Variants in PDS5B observed in about 807,000 individuals in gnomAD.
PDS5B encodes the protein sister chromatid cohesion protein PDS5 homolog B.
PDS5B carries 51 observed loss-of-function variants against 184.1 expected under a neutral mutation model. The ratio of observed to expected loss-of-function variants is 0.28; its 90% CI spans 0.22 to 0.35. The LOEUF is 0.35. PDS5B is among the 10% of genes least tolerant of loss of function. The probability of loss-of-function intolerance (pLI) is 1.00; values close to 1 mark genes in which losing one functional copy is unlikely to be tolerated. For missense variants in PDS5B, 1,180 were observed against 1,723.3 expected (o/e 0.68, Z 5.58); for synonymous variants, 566 against 569.2 (o/e 0.99, Z 0.08).
rs7994229 is a variant in PDS5B, at chr13:32,586,568, C to A, written c.-45C>A. Reference sequence around the variant, plus strand: ...GGATCCCGGAGAGCCCCGGAGTGAGCGGAGTAGCGAGTCGGCAACCCGGAG... The same window carrying A: ...GGATCCCGGAGAGCCCCGGAGTGAGAGGAGTAGCGAGTCGGCAACCCGGAG... On this transcript the variant is annotated 5_prime_UTR_variant, in exon 1 of 35. Coordinates refer to ENST00000315596, the MANE Select transcript of PDS5B (RefSeq NM_015032.4). The A allele has an allele frequency of 0.4, 59,714 of 151,000 alleles. 12,258 individuals carry two copies. Among genetic ancestry groups the A allele is most frequent in the African/African-American group, 0.49 (20,008 of 40,894 alleles). 9.4% of individuals were successfully genotyped at this position (151,000 alleles called of 1,614,324 possible). A position where few individuals can be genotyped will look rare whatever the true frequency, so the allele number is the denominator to read the frequency against.
chr13:32,758,444 G>T, intron 27 of PDS5B, 90 bp from the exon 28 acceptor site: 1 of 1,296,860 alleles, frequency 7.7e-7, no homozygotes, highest in South Asian at 1.4e-5. Context: ...TTGCTATTCA[G>T]ACTGGATTCA....
intron 9 of PDS5B, among the ~76,000 whole-genome samples, chr13:32,676,671 C>T (rs1951071963): frequency 6.6e-6 from 1 of 152,144 alleles, no homozygotes; most frequent in South Asian, 2.1e-4. Context: ...GTGGCTCATG[C>T]CTGTAATCCT....
intron 6 of PDS5B, among the ~76,000 whole-genome samples, chr13:32,666,640 A>C (rs1439677742): frequency 6.6e-6 from 1 of 152,158 alleles, no homozygotes; most frequent in East Asian, 1.9e-4. Context: ...CTTTGACACC[A>C]TAAATATTGT....
At chr13:32,668,320 TC>T (rs1950853168) in intron 7 of PDS5B, among the ~76,000 whole-genome samples, 1 of 152,194 alleles carries the variant, frequency 6.6e-6, no homozygotes, top group Non-Finnish European at 1.5e-5. Context: ...CTATTGCTAT[TC>T]CTGGGGTAGA....
chr13:32,660,279 T>C (rs979325169), intron 6 of PDS5B, among the ~76,000 whole-genome samples: 1 of 152,202 alleles, frequency 6.6e-6, no homozygotes, highest in African/African-American at 2.4e-5. Context: ...TCCTTCACCT[T>C]GGTGCCCACA....
chr13:32,627,469 G>A (rs1481034734), intron 1 of PDS5B, among the ~76,000 whole-genome samples: 1 of 151,598 alleles, frequency 6.6e-6, no homozygotes, highest in Admixed American at 6.6e-5. Context: ...TCATTTCCTG[G>A]GTTTTTTTTA....
intron 23 of PDS5B, 60 bp from the exon 24 acceptor site, chr13:32,745,917 C>T: frequency 7.4e-7 from 1 of 1,355,698 alleles, no homozygotes; most frequent in Non-Finnish European, 1.0e-6. Flanking sequence ...ATTAGATGTA[C>T]AGAAGATTTT....
intron 19 of PDS5B, among the ~76,000 whole-genome samples, chr13:32,721,356 C>G (rs896159208): frequency 8.6e-5 from 13 of 151,866 alleles, no homozygotes; most frequent in Middle Eastern, 6.8e-3. Flanking sequence ...GGGCTCCCCC[C>G]ACCTCCCAGA....
intron 1 of PDS5B, among the ~76,000 whole-genome samples, chr13:32,614,685 A>G (rs560601149): frequency 6.6e-6 from 1 of 152,340 alleles, no homozygotes; most frequent in East Asian, 1.9e-4. Context: ...GGCAAAGTAG[A>G]TATTACTTAT....
intron 1 of PDS5B, among the ~76,000 whole-genome samples, chr13:32,605,518 C>T (rs541715238): frequency 2.6e-5 from 4 of 152,118 alleles, no homozygotes; most frequent in East Asian, 1.9e-4. Flanking sequence ...GGAATAAGTG[C>T]GATGTGGTGC....
At chr13:32,639,142 C>T (rs181686992) in intron 1 of PDS5B, among the ~76,000 whole-genome samples, 29 of 140,578 alleles carry the variant, frequency 2.1e-4, no homozygotes, top group African/African-American at 6.9e-4. Context: ...ACAAGAATTA[C>T]TTTAAAGAGA....
Position 32,678,911 on chromosome 13 carries a change from T to G in PDS5B, c.1039T>G (p.Leu347Val). The change falls in exon 10 of 35, where the codon TTA becomes GTA. Residue 347 changes from leucine (L) to valine (V), a missense_variant. Physicochemically the swap from Leu to Val is conservative, Grantham distance 32. This residue lies in a region of PDS5B where 475 missense variants were observed against 691.5 expected (regional missense o/e 0.69). Transcript: ENST00000315596. The part of the protein sequence containing the change: ...ASHCLMNHPD[L>V]AKDLTEYLKV... ...CCATTGTCTCATGAACCATCCTGATTTAGCAAAAGACTTAACAGGTACTAT... is the reference window on the plus strand; with the variant it reads ...CCATTGTCTCATGAACCATCCTGATGTAGCAAAAGACTTAACAGGTACTAT... The G allele has an allele frequency of 1.3e-6, 2 of 1,588,430 alleles. No homozygotes were observed. Among genetic ancestry groups the G allele is most frequent in the South Asian group, 1.1e-5 (1 of 90,506 alleles).
chr13:32,593,633 G>A (rs1164082812), intron 1 of PDS5B, among the ~76,000 whole-genome samples: 2 of 152,210 alleles, frequency 1.3e-5, no homozygotes, highest in Non-Finnish European at 2.9e-5. Context: ...GAGCCACTAC[G>A]CCTGGCCTCC....
chr13:32,741,286 C>A (rs1953539942), intron 22 of PDS5B, 138 bp downstream of exon 22: 1 of 533,990 alleles, frequency 1.9e-6, no homozygotes, highest in Non-Finnish European at 3.3e-6. Context: ...GTCTTATGTG[C>A]TGTGAGACTA....
intron 1 of PDS5B, among the ~76,000 whole-genome samples, chr13:32,608,099 G>A (rs1424201456): frequency 6.6e-6 from 1 of 152,212 alleles, no homozygotes; most frequent in Non-Finnish European, 1.5e-5. Flanking sequence ...AGTTGGAAAT[G>A]CAGAAATCAC....
At chr13:32,612,733 A>T (rs751205604) in intron 1 of PDS5B, among the ~76,000 whole-genome samples, 1 of 152,138 alleles carries the variant, frequency 6.6e-6, no homozygotes, top group Non-Finnish European at 1.5e-5. Flanking sequence ...ATAAAAGGGG[A>T]GGCCCTTTTC....
chr13:32,748,673 T>C (rs989942322), intron 24 of PDS5B, among the ~76,000 whole-genome samples: 2 of 152,150 alleles, frequency 1.3e-5, no homozygotes, highest in African/African-American at 2.4e-5. Flanking sequence ...CTGAGAGTTA[T>C]AATATTTCCC....
chr13:32,695,579 T>G (rs1360375485), intron 14 of PDS5B, among the ~76,000 whole-genome samples: 1 of 152,006 alleles, frequency 6.6e-6, no homozygotes, highest in Admixed American at 6.6e-5. Flanking sequence ...CTTACTTACA[T>G]GTATATAAAA....
chr13:32,639,330 A>G (rs1244521937), intron 1 of PDS5B, among the ~76,000 whole-genome samples: 1 of 152,184 alleles, frequency 6.6e-6, no homozygotes, highest in Non-Finnish European at 1.5e-5. Context: ...AACATTAACA[A>G]AAATATGTAT....
Sources: allele counts gnomAD v4.1 joint callset (sites outside exome capture counted in the v4.1 genomes callset), GRCh38; gene constraint gnomAD v4.1.1; regional missense constraint gnomAD v4.1.1; transcripts MANE v1.5; gene names NCBI Gene and HGNC (gene_info 2026-07-23, HGNC 2026-07-21).